Variants in KYNU observed in about 807,000 individuals in gnomAD.
The protein encoded by KYNU is L-kynurenine hydrolase.
Under a neutral mutation model 59.2 loss-of-function variants are expected in KYNU, and 54 were observed. The ratio of observed to expected loss-of-function variants is 0.91; its 90% CI spans 0.73 to 1.14. The LOEUF (loss-of-function observed/expected upper bound fraction) is 1.14, where lower values mean the gene tolerates loss of function less well. Ranked by LOEUF, KYNU falls within the 50% of genes most tolerant of loss-of-function variation. The pLI, the probability that KYNU is intolerant of heterozygous loss-of-function variation, is 0.00. For synonymous variants in KYNU, 177 were observed against 192.0 expected (o/e 0.92, Z 0.65); for missense variants, 567 against 554.4 (o/e 1.02, Z -0.23).
At chr2:142,903,171 C>A (rs113094967) in intron 2 of KYNU, among the ~76,000 whole-genome samples, 37 of 152,070 alleles carry the variant, frequency 2.4e-4, no homozygotes, top group African/African-American at 8.4e-4. Context: ...GCTTTTAGGT[C>A]CTTAACAATT....
intron 10 of KYNU, among the ~76,000 whole-genome samples, chr2:142,991,724 C>G (rs1685403833): frequency 6.6e-6 from 1 of 151,898 alleles, no homozygotes; most frequent in Non-Finnish European, 1.5e-5. Context: ...TTGATTCTCT[C>G]AAAACCTCAG....
chr2:142,974,408 T>C (rs1430848575), intron 8 of KYNU, among the ~76,000 whole-genome samples: 1 of 152,220 alleles, frequency 6.6e-6, no homozygotes, highest in Admixed American at 6.5e-5. Context: ...TATCTGTAGC[T>C]ATCTGCTTAA....
At position 142,966,648 on chromosome 2, in the gene KYNU, A is replaced by T. The variant is rs1183421271; in HGVS notation, c.729+5878A>T. Among the ~76,000 whole-genome samples, 11 of 152,244 alleles carry T rather than the reference A, an allele frequency of 7.2e-5. 1 individual carries two copies. In the South Asian group the frequency reaches 2.3e-3, roughly 32 times the overall value. ...CACAGTCAGACCTGGACTTGACTCT[A>T]GGTCTCTACATTACTTTTCAGCATA... On this transcript the variant is annotated intron_variant, in intron 8 of 13. Coordinates refer to ENST00000264170, the MANE Select transcript of KYNU (RefSeq NM_003937.3).
At chr2:143,017,196 G>A (rs1686275731) in intron 10 of KYNU, among the ~76,000 whole-genome samples, 1 of 152,034 alleles carries the variant, frequency 6.6e-6, no homozygotes. Flanking sequence ...ATTGTGAGTA[G>A]CTGCAATGAA....
intron 12 of KYNU, among the ~76,000 whole-genome samples, chr2:143,035,348 A>G (rs1686866650): frequency 6.6e-6 from 1 of 152,156 alleles, no homozygotes; most frequent in African/African-American, 2.4e-5. Flanking sequence ...TGCTCATTTC[A>G]CTGCTGAGAC....
Position 143,029,620 on chromosome 2 carries a change from AT to A in KYNU, c.903-3del. On this transcript the variant is annotated splice_region_variant and splice_polypyrimidine_tract_variant and intron_variant, in intron 10 of 13. Coordinates refer to ENST00000264170, the MANE Select transcript of KYNU (RefSeq NM_003937.3). ...CCAAAAACCTAATGTTTTTATTTATATTTTAGATTAGTGGGATGGTTTGGCC... is the reference window on the plus strand; with the variant it reads ...CCAAAAACCTAATGTTTTTATTTATATTTAGATTAGTGGGATGGTTTGGCC... 6.3e-7 allele frequency: 1 copy of A among 1,587,616 alleles called. No homozygotes were observed. The highest frequency in any genetic ancestry group is 8.7e-7 in the Non-Finnish European group (1 of 1,155,876).
chr2:142,884,882 C>T (rs1414040887), intron 1 of KYNU, among the ~76,000 whole-genome samples: 1 of 144,480 alleles, frequency 6.9e-6, no homozygotes, highest in Non-Finnish European at 1.5e-5. Context: ...TTCCCAACCT[C>T]AGGAATAATA....
intron 10 of KYNU, among the ~76,000 whole-genome samples, chr2:143,017,517 C>T (rs1686292125): frequency 7.4e-6 from 1 of 135,934 alleles, no homozygotes; most frequent in East Asian, 2.4e-4. Context: ...TCTCAGCTCA[C>T]TGCAATCTCC....
rs1489728768 is a variant in KYNU, at chr2:143,049,279, G to T, written c.*7107G>T. On this transcript the variant is annotated 3_prime_UTR_variant, in exon 14 of 14. Coordinates refer to ENST00000264170, the MANE Select transcript of KYNU (RefSeq NM_003937.3). The stretch of plus-strand genomic sequence containing the variant: ...TTTCTGTTCAAAATTCCTTCCATTT[G>T]TGATCTTTCGAATGTGCTTCTGCTT... The T allele has an allele frequency of 2.6e-5, 4 of 151,844 alleles. No homozygotes were observed. In the East Asian group the frequency reaches 7.7e-4, roughly 29 times the overall value. 9.4% of individuals were successfully genotyped at this position (151,844 alleles called of 1,614,324 possible). A position where few individuals can be genotyped will look rare whatever the true frequency, so the allele number is the denominator to read the frequency against.
chr2:142,965,425 T>C (rs1045914114), intron 8 of KYNU, among the ~76,000 whole-genome samples: 1 of 151,796 alleles, frequency 6.6e-6, no homozygotes, highest in African/African-American at 2.4e-5. Context: ...GATTTCTTTT[T>C]CTCACCACGA....
chr2:142,959,402 C>CA (rs1684267108), intron 7 of KYNU, among the ~76,000 whole-genome samples: 1 of 152,044 alleles, frequency 6.6e-6, no homozygotes, highest in Non-Finnish European at 1.5e-5. Flanking sequence ...GCCTGACCAA[C>CA]ATGGAGAAAC....
intron 2 of KYNU, among the ~76,000 whole-genome samples, chr2:142,898,908 C>T (rs192446145): frequency 7.9e-5 from 12 of 152,288 alleles, no homozygotes; most frequent in African/African-American, 2.9e-4. Context: ...AACCCAGGCA[C>T]TTAGCTGTGC....
At chr2:142,882,136 A>T (rs535403947) in intron 1 of KYNU, among the ~76,000 whole-genome samples, 24 of 151,850 alleles carry the variant, frequency 1.6e-4, no homozygotes, top group Non-Finnish European at 3.4e-4. Context: ...ATTTGCCCAT[A>T]TCCCAAAGCT....
At chr2:143,018,625 T>C (rs550329919) in intron 10 of KYNU, among the ~76,000 whole-genome samples, 80 of 152,322 alleles carry the variant, frequency 5.3e-4, no homozygotes, top group African/African-American at 1.9e-3. Context: ...TTTGGGCTCT[T>C]TTTTGGTTCT....
intron 2 of KYNU, among the ~76,000 whole-genome samples, chr2:142,907,088 C>T (rs1682322446): frequency 6.6e-6 from 1 of 152,146 alleles, no homozygotes; most frequent in Admixed American, 6.5e-5. Flanking sequence ...TGATATTACT[C>T]ACTGCTTTGG....
At chr2:142,956,857 G>T (rs1037137924) in intron 6 of KYNU, among the ~76,000 whole-genome samples, 3 of 152,100 alleles carry the variant, frequency 2.0e-5, no homozygotes, top group Non-Finnish European at 4.4e-5. Context: ...AAAGTACAAT[G>T]TAAGTCTGGG....
intron 1 of KYNU, among the ~76,000 whole-genome samples, chr2:142,883,237 A>G (rs1260744241): frequency 8.8e-6 from 1 of 113,436 alleles, no homozygotes; most frequent in Admixed American, 1.4e-4. Flanking sequence ...GCTGTCGCCC[A>G]GGCTGGAGTG....
At chr2:142,901,656 G>C (rs767447206) in intron 2 of KYNU, among the ~76,000 whole-genome samples, 6 of 151,996 alleles carry the variant, frequency 3.9e-5, no homozygotes, top group Non-Finnish European at 8.8e-5. Flanking sequence ...AGAGGACTAG[G>C]TAAGAATACT....
At position 143,050,391 on chromosome 2, in the gene KYNU, C is replaced by A. The variant is rs139943327; in HGVS notation, c.*8219C>A. ...CCTCCCACTTATGAGTGAGAACACG[C>A]GATGTTTGGTTTTCTGTTCCTGTGT... On this transcript the variant is annotated 3_prime_UTR_variant, in exon 14 of 14. Coordinates refer to ENST00000264170, the MANE Select transcript of KYNU (RefSeq NM_003937.3). 1 of 151,894 alleles carries A rather than the reference C, an allele frequency of 6.6e-6. No homozygotes were observed. The highest frequency in any genetic ancestry group is 2.4e-5 in the African/African-American group (1 of 41,342). 9.4% of individuals were successfully genotyped at this position (151,894 alleles called of 1,614,324 possible). A position where few individuals can be genotyped will look rare whatever the true frequency, so the allele number is the denominator to read the frequency against.
Sources: allele counts gnomAD v4.1 joint callset (sites outside exome capture counted in the v4.1 genomes callset), GRCh38; gene constraint gnomAD v4.1.1; transcripts MANE v1.5; gene names NCBI Gene and HGNC (gene_info 2026-07-23, HGNC 2026-07-21).